The following EYS variants were observed in gnomAD, a reference collection of about 807,000 sequenced individuals.
EYS encodes protein eyes shut homolog.
Under a neutral mutation model 282.1 loss-of-function variants are expected in EYS, and 250 were observed. That is an observed-to-expected ratio of 0.89 (90% CI 0.80 to 0.98). The LOEUF (loss-of-function observed/expected upper bound fraction) is 0.98. Ranked by LOEUF, EYS falls within the 50% of genes least tolerant of loss-of-function variation. The pLI is 0.00. For missense variants in EYS, 4,016 were observed against 3,709.0 expected (o/e 1.08, Z -2.15); for synonymous variants, 1,355 against 1,282.9 (o/e 1.06, Z -1.20).
At chr6:64,207,817 C>T (rs1765654170) in intron 31 of EYS, among the ~76,000 whole-genome samples, 1 of 151,998 alleles carries the variant, frequency 6.6e-6, no homozygotes, top group African/African-American at 2.4e-5. Context: ...GCCACCACAC[C>T]CGGCTAATTT....
At chr6:64,301,766 A>T (rs1487582700) in intron 30 of EYS, among the ~76,000 whole-genome samples, 1 of 152,174 alleles carries the variant, frequency 6.6e-6, no homozygotes, top group Non-Finnish European at 1.5e-5. Flanking sequence ...TACCTACAAA[A>T]ATAGTTCACT....
intron 9 of EYS, among the ~76,000 whole-genome samples, chr6:65,348,495 C>T (rs769712385): frequency 4.6e-5 from 7 of 151,566 alleles, no homozygotes; most frequent in African/African-American, 7.3e-5. Flanking sequence ...TTTTCATATG[C>T]CTGTTTGCTA....
intron 31 of EYS, among the ~76,000 whole-genome samples, chr6:64,178,776 A>G (rs2150310674): frequency 6.6e-6 from 1 of 152,208 alleles, no homozygotes; most frequent in South Asian, 2.1e-4. Context: ...TAAATAATAT[A>G]TAATCCCTTA....
chr6:65,677,105 G>GAAAAAAAAAAAAAA (rs58880200), intron 1 of EYS, among the ~76,000 whole-genome samples: 1 of 107,666 alleles, frequency 9.3e-6, no homozygotes, highest in Non-Finnish European at 1.9e-5. Flanking sequence ...AGTCATTGGT[G>GAAAAAAAAAAAAAA]AAAAAAAAAA....
At chr6:64,550,299 G>A (rs1765031444) in intron 26 of EYS, among the ~76,000 whole-genome samples, 1 of 152,096 alleles carries the variant, frequency 6.6e-6, no homozygotes, top group Admixed American at 6.5e-5. Flanking sequence ...CTAGATCCCT[G>A]AGGAATCGCC....
At chr6:64,215,253 T>C (rs1384992091) in intron 31 of EYS, among the ~76,000 whole-genome samples, 4 of 152,058 alleles carry the variant, frequency 2.6e-5, no homozygotes, top group African/African-American at 9.7e-5. Flanking sequence ...ATCTAGCTGT[T>C]GAGTTGTCAT....
At chr6:64,408,589 T>C (rs1383150766) in intron 28 of EYS, among the ~76,000 whole-genome samples, 1 of 152,182 alleles carries the variant, frequency 6.6e-6, no homozygotes, top group East Asian at 1.9e-4. Flanking sequence ...ACTGAGTTTG[T>C]CTTTTCTAGA....
chr6:65,687,780 C>T (rs905964088), intron 1 of EYS, among the ~76,000 whole-genome samples: 3 of 152,114 alleles, frequency 2.0e-5, no homozygotes, highest in Admixed American at 6.6e-5. Flanking sequence ...CATTCTTATA[C>T]ACCAATAACA....
chr6:64,965,850 G>A (rs1452343478), intron 14 of EYS, among the ~76,000 whole-genome samples: 1 of 152,094 alleles, frequency 6.6e-6, no homozygotes, highest in Non-Finnish European at 1.5e-5. Flanking sequence ...CATAGATTGT[G>A]AATCAGTTTA....
At chr6:65,421,715 C>T (rs1450482496) in intron 5 of EYS, among the ~76,000 whole-genome samples, 1 of 151,814 alleles carries the variant, frequency 6.6e-6, no homozygotes, top group African/African-American at 2.4e-5. Context: ...TTCACTGAAA[C>T]ACTTAGAGGC....
chr6:64,412,608 A>T (rs1293964699), intron 28 of EYS: 1 of 152,156 alleles, frequency 6.6e-6, no homozygotes, highest in Non-Finnish European at 1.5e-5. Flanking sequence ...ATACTCATTT[A>T]AAAATTTTTT....
At chr6:65,293,317 C>A (rs1172154737) in intron 12 of EYS, among the ~76,000 whole-genome samples, 4 of 150,480 alleles carry the variant, frequency 2.7e-5, no homozygotes, top group African/African-American at 9.8e-5. Context: ...ATATAAATAA[C>A]ACTGGAATTG....
At chr6:64,405,838 T>C (rs995362289) in intron 28 of EYS, among the ~76,000 whole-genome samples, 2 of 152,044 alleles carry the variant, frequency 1.3e-5, no homozygotes, top group African/African-American at 2.4e-5. Context: ...AACAAACAAA[T>C]GGAAAAACAT....
At chr6:64,553,297 T>C (rs1934490888) in intron 26 of EYS, among the ~76,000 whole-genome samples, 2 of 152,206 alleles carry the variant, frequency 1.3e-5, no homozygotes, top group South Asian at 2.1e-4. Flanking sequence ...ATTTTAGTTT[T>C]CCTTTCATCA....
At chr6:64,085,163 T>C (rs952158385) in intron 31 of EYS, among the ~76,000 whole-genome samples, 1 of 151,736 alleles carries the variant, frequency 6.6e-6, no homozygotes. Flanking sequence ...TTTTTAGTAG[T>C]GATGGGTTTT....
intron 31 of EYS, among the ~76,000 whole-genome samples, chr6:64,113,866 G>A (rs181667022): frequency 3.9e-5 from 6 of 152,238 alleles, no homozygotes; most frequent in South Asian, 4.2e-4. Context: ...TCTACATCAC[G>A]AGTTGGCAAG....
chr6:64,036,644 T>C (rs1471897563), intron 33 of EYS, among the ~76,000 whole-genome samples: 3 of 152,086 alleles, frequency 2.0e-5, no homozygotes, highest in Non-Finnish European at 4.4e-5. Flanking sequence ...AAAGGATAGT[T>C]TGAGTTACTG....
chr6:64,449,902 A>G (rs1310141603), intron 26 of EYS, among the ~76,000 whole-genome samples: 1 of 152,200 alleles, frequency 6.6e-6, no homozygotes, highest in Non-Finnish European at 1.5e-5. Flanking sequence ...CTGCAGAAAC[A>G]TGCCAAATTG....
At chr6:64,268,434 TA>T (rs1181803799) in intron 30 of EYS, among the ~76,000 whole-genome samples, 1 of 152,000 alleles carries the variant, frequency 6.6e-6, no homozygotes, top group African/African-American at 2.4e-5. Flanking sequence ...TTTGGGTAAT[TA>T]AAATGATTTA....
Sources: allele counts gnomAD v4.1 joint callset (sites outside exome capture counted in the v4.1 genomes callset), GRCh38; gene constraint gnomAD v4.1.1; transcripts MANE v1.5; gene names NCBI Gene and HGNC (gene_info 2026-07-23, HGNC 2026-07-21).